The following GNPTAB variants were observed in gnomAD, a reference collection of about 807,000 sequenced individuals.
GNPTAB encodes the protein N-acetylglucosamine-1-phosphotransferase subunits alpha/beta.
Under a neutral mutation model 136.6 loss-of-function variants are expected in GNPTAB, and 92 were observed. That is an observed-to-expected ratio of 0.67 (90% CI 0.57 to 0.80). The LOEUF (loss-of-function observed/expected upper bound fraction) is 0.80. Ranked by LOEUF, GNPTAB falls within the 30% of genes least tolerant of loss-of-function variation. GNPTAB has a pLI of 0.00. For missense variants in GNPTAB, 1,343 were observed against 1,501.8 expected (o/e 0.89, Z 1.75); for synonymous variants, 512 against 535.1 (o/e 0.96, Z 0.60).
intron 4 of GNPTAB, among the ~76,000 whole-genome samples, chr12:101,787,203 A>G (rs772705637): frequency 6.6e-6 from 1 of 152,230 alleles, no homozygotes; most frequent in Non-Finnish European, 1.5e-5. Context: ...AGACCTAAAT[A>G]TAAGTATCAT....
rs543185683 is a variant in GNPTAB, at chr12:101,785,649, G to A, written c.571+363C>T. 2.4e-5 allele frequency: 5 copies of A among 212,586 alleles called. No homozygotes were observed. The East Asian group carries it at 6.4e-4, about 27-fold the overall frequency. 13.2% of individuals were successfully genotyped at this position (212,586 alleles called of 1,614,324 possible). A position where few individuals can be genotyped will look rare whatever the true frequency, so the allele number is the denominator to read the frequency against. ...CAGTTCATATATTTCAGAATGTAAA[G>A]AATCAATACTCCAGGTATGTTCTGC... On this transcript the variant is annotated intron_variant, in intron 5 of 20. Transcript: ENST00000299314.
chr12:101,769,111 A>G (rs1426150624), intron 10 of GNPTAB, among the ~76,000 whole-genome samples: 1 of 152,152 alleles, frequency 6.6e-6, no homozygotes, highest in Non-Finnish European at 1.5e-5. Context: ...GCAGAGTTTT[A>G]TAACTTCTAA....
intron 7 of GNPTAB, among the ~76,000 whole-genome samples, chr12:101,775,369 T>A (rs1003027457): frequency 6.6e-6 from 1 of 151,518 alleles, no homozygotes; most frequent in African/African-American, 2.4e-5. Flanking sequence ...TTTTTTCTTT[T>A]TTTTTTTTTG....
chr12:101,796,700 AAT>A lies in GNPTAB; in HGVS notation c.178_179del (p.Ile60CysfsTer16), dbSNP rs1869312922. The A allele has an allele frequency of 6.2e-7, 1 of 1,610,656 alleles. No homozygotes were observed. The highest frequency in any genetic ancestry group is 8.5e-7 in the Non-Finnish European group (1 of 1,177,110). On this transcript the variant is annotated frameshift_variant, in exon 2 of 21. Transcript: ENST00000299314. LOFTEE classifies it high-confidence loss of function. ...HVLFDSYRDN[I>X]AGKSFQNRLC... ...ACCGATTCTGAAAGGACTTTCCAGC[AAT>A]ATTGTCTCTATAGGAATCAAACAAA...
At chr12:101,749,075 A>G (rs2137097659) in intron 20 of GNPTAB, 26 bp downstream of exon 20, 16 of 1,216,472 alleles carry the variant, frequency 1.3e-5, no homozygotes, top group Non-Finnish European at 1.8e-5. Context: ...ACCATTTAAT[A>G]CCCACATAAA....
intron 1 of GNPTAB, among the ~76,000 whole-genome samples, chr12:101,825,779 T>C (rs953989647): frequency 1.5e-4 from 23 of 152,364 alleles, no homozygotes; most frequent in Middle Eastern, 3.4e-3. Context: ...CTTAGAAATA[T>C]AGTCTCATAG....
chr12:101,797,953 G>A lies in GNPTAB; in HGVS notation c.118-1191C>T, dbSNP rs116575328. 2.8e-3 allele frequency among the ~76,000 whole-genome samples: 422 copies of A among 151,994 alleles called. 3 individuals carry two copies. Among genetic ancestry groups the A allele is most frequent in the African/African-American group, 9.7e-3 (403 of 41,454 alleles). On this transcript the variant is annotated intron_variant, in intron 1 of 20. Coordinates refer to ENST00000299314, the MANE Select transcript of GNPTAB (RefSeq NM_024312.5). ...TCAGTAGGATTATTCCCATTGGCAC[G>A]CAAACATGTTCCCGTACCTTGGGAA...
chr12:101,771,900 A>G (rs1298124509), intron 7 of GNPTAB, among the ~76,000 whole-genome samples: 4 of 152,248 alleles, frequency 2.6e-5, no homozygotes, highest in African/African-American at 9.6e-5. Context: ...TGGGCAAAAA[A>G]TCTGCAATGT....
At chr12:101,798,103 AC>A (rs1459729070) in intron 1 of GNPTAB, among the ~76,000 whole-genome samples, 3 of 151,970 alleles carry the variant, frequency 2.0e-5, no homozygotes, top group African/African-American at 7.3e-5. Context: ...TTATGTTTTC[AC>A]CACTTTAGTG....
At chr12:101,821,956 T>C (rs1870822281) in intron 1 of GNPTAB, among the ~76,000 whole-genome samples, 1 of 151,992 alleles carries the variant, frequency 6.6e-6, no homozygotes, top group South Asian at 2.1e-4. Context: ...GAGGCTGAAA[T>C]GAGAAGCTCC....
intron 1 of GNPTAB, among the ~76,000 whole-genome samples, chr12:101,797,222 T>C (rs1038114666): frequency 8.5e-5 from 13 of 152,174 alleles, no homozygotes; most frequent in African/African-American, 3.1e-4. Context: ...GCCCTAAGCG[T>C]GACGTGCCTT....
chr12:101,759,910 A>T, intron 16 of GNPTAB, 120 bp downstream of exon 16: 1 of 728,976 alleles, frequency 1.4e-6, no homozygotes, highest in Admixed American at 1.9e-5. Flanking sequence ...GTTTTGCAAC[A>T]AAGACATATA....
intron 1 of GNPTAB, among the ~76,000 whole-genome samples, chr12:101,827,259 A>G (rs10128856): frequency 0.28 from 42,791 of 151,776 alleles, 6,566 homozygotes; most frequent in East Asian, 0.61. Context: ...CTCCCAAGCA[A>G]CTGGGACTAC....
intron 1 of GNPTAB, among the ~76,000 whole-genome samples, chr12:101,802,220 AAAG>A (rs1869681083): frequency 6.6e-6 from 1 of 151,334 alleles, no homozygotes. Context: ...AAAAAAAAGA[AAAG>A]AAAAGAAAAA....
Position 101,765,179 on chromosome 12 carries a change from A to G in GNPTAB, c.1738T>C (p.Tyr580His). The G allele has an allele frequency of 6.2e-7, 1 of 1,614,166 alleles. No individual in the cohort carries two copies. Among genetic ancestry groups the G allele is most frequent in the Non-Finnish European group, 8.5e-7 (1 of 1,180,014 alleles). Residue 580 changes from tyrosine to histidine, a missense_variant, in exon 13 of 21, where the codon TAT (tyrosine) becomes CAT (histidine). Transcript: ENST00000299314. ...EVAKRGVEGA[Y>H]SDNPIIRHAS... ...TGTCGAATTATTGGATTGTCACTAT[A>G]GGCACCTTCAACTCCTCTTTTGGCT...
intron 20 of GNPTAB, 63 bp from the exon 21 acceptor site, chr12:101,747,304 T>C (rs1174638859): frequency 1.1e-6 from 1 of 935,734 alleles, no homozygotes; most frequent in African/African-American, 1.6e-5. Context: ...TATAAGTGCA[T>C]CAAACTTTCT....
chr12:101,796,816 A>T, intron 1 of GNPTAB, 54 bp from the exon 2 acceptor site: 1 of 1,149,922 alleles, frequency 8.7e-7, no homozygotes, highest in East Asian at 2.3e-5. Flanking sequence ...AGAGTATATA[A>T]CTTTCATTTC....
At chr12:101,751,488 T>C (rs919606600) in intron 19 of GNPTAB, among the ~76,000 whole-genome samples, 1 of 152,152 alleles carries the variant, frequency 6.6e-6, no homozygotes, top group African/African-American at 2.4e-5. Flanking sequence ...GTCAAAAATC[T>C]TCCTAAACTG....
rs905834775 is a variant in GNPTAB, at chr12:101,830,877, A to T, written c.-202T>A. On this transcript the variant is annotated 5_prime_UTR_variant, in exon 1 of 21. Coordinates refer to ENST00000299314, the MANE Select transcript of GNPTAB (RefSeq NM_024312.5). ...CGCCGCTTCCGGGAGCCGGGAGCCC[A>T]CGCCCTCGGCGCGGCGGAGGCGGAC... 1 of 148,676 alleles carries T rather than the reference A, an allele frequency of 6.7e-6. No homozygotes were observed. The highest frequency in any genetic ancestry group is 6.8e-5 in the Admixed American group (1 of 14,786). 9.2% of individuals were successfully genotyped at this position (148,676 alleles called of 1,614,324 possible). A position where few individuals can be genotyped will look rare whatever the true frequency, so the allele number is the denominator to read the frequency against.
Sources: allele counts gnomAD v4.1 joint callset (sites outside exome capture counted in the v4.1 genomes callset), GRCh38; gene constraint gnomAD v4.1.1; transcripts MANE v1.5; gene names NCBI Gene and HGNC (gene_info 2026-07-23, HGNC 2026-07-21).